The following DNAH2 variants were observed in gnomAD, a reference collection of about 807,000 sequenced individuals.
DNAH2 encodes axonemal beta dynein heavy chain 2.
A neutral mutation model predicts 523.5 loss-of-function variants in DNAH2; 323 were observed. The ratio of observed to expected loss-of-function variants is 0.62; its 90% CI spans 0.56 to 0.68. The LOEUF (loss-of-function observed/expected upper bound fraction) is 0.68. Ranked by LOEUF, DNAH2 falls within the 30% of genes least tolerant of loss-of-function variation. The pLI, the probability that DNAH2 is intolerant of heterozygous loss-of-function variation, is 0.00. For missense variants in DNAH2, 4,907 were observed against 5,701.5 expected (o/e 0.86, Z 4.49); for synonymous variants, 2,093 against 2,177.4 (o/e 0.96, Z 1.08).
At position 7,757,187 on chromosome 17, in the gene DNAH2, C is replaced by G. The variant is rs1218124877; in HGVS notation, c.2001C>G (p.Asp667Glu). 6.2e-7 allele frequency: 1 copy of G among 1,614,186 alleles called. No individual in the cohort carries two copies. Among genetic ancestry groups the G allele is most frequent in the Non-Finnish European group, 8.5e-7 (1 of 1,180,032 alleles). ...TGAACGTAGCTGAGCGAGCCGAGGA[C>G]CTGCGCATTCTGCGTGAAAATCTGC... Reference protein sequence around the residue: ...YVVNVAERAEDLRILRENLLL... With the variant: ...YVVNVAERAEELRILRENLLL... Residue 667 changes from aspartate (D) to glutamate (E), a missense_variant, in exon 13 of 86, where the codon GAC (aspartate) becomes GAG (glutamate). By Grantham distance (45) the Asp-to-Glu change is conservative. Coordinates refer to ENST00000572933, the MANE Select transcript of DNAH2 (RefSeq NM_020877.5).
At chr17:7,805,112 C>T (rs199669681) in intron 60 of DNAH2, 38 bp downstream of exon 60, 44 of 1,603,032 alleles carry the variant, frequency 2.7e-5, no homozygotes, top group South Asian at 2.4e-4. Flanking sequence ...GCCAGGAACG[C>T]GAGGCCCCGG....
chr17:7,738,969 T>C (rs756326169), intron 8 of DNAH2: 4 of 702,810 alleles, frequency 5.7e-6, no homozygotes, highest in Non-Finnish European at 1.0e-5. Context: ...CCAGCATCTT[T>C]GCTCAGGTTG....
rs763487594 is a variant in DNAH2 at position 7,797,578 on chromosome 17, C to T, written c.8080+48C>T. The T allele has an allele frequency of 5.5e-5, 88 of 1,613,862 alleles. 1 individual carries two copies. In the South Asian group the frequency reaches 6.8e-4, roughly 12 times the overall value. On this transcript the variant is annotated intron_variant, in intron 52 of 85. Coordinates refer to ENST00000572933, the MANE Select transcript of DNAH2 (RefSeq NM_020877.5). ...CTTGGGCTTGACACTCTTAGAACAT[C>T]GGGGCTAGAAGGAGTCAGGGCATGG...
intron 24 of DNAH2, 37 bp downstream of exon 24, chr17:7,768,304 C>T (rs2076227305): frequency 6.2e-7 from 1 of 1,608,954 alleles, no homozygotes; most frequent in Admixed American, 1.7e-5. Flanking sequence ...GTCCACTCTG[C>T]CCCGCTGGCC....
chr17:7,777,587 G>A lies in DNAH2; in HGVS notation c.5200G>A (p.Val1734Ile), dbSNP rs1284135722. ...GCTTTACAAGAGTGGCCTCATGGAT[G>A]TCAATTCCTTTGACTGGCTCAGCCA... ...EKLYKSGLMDVNSFDWLSQLR... is the reference protein window; with the variant it reads ...EKLYKSGLMDINSFDWLSQLR... The change falls in exon 33 of 86, where the codon GTC becomes ATC. Residue 1734 changes from valine (V) to isoleucine (I), a missense_variant. This residue lies in a region of DNAH2 where 2,806 missense variants were observed against 3,190.8 expected (regional missense o/e 0.88). Transcript: ENST00000572933. 6.2e-7 allele frequency: 1 copy of A among 1,614,194 alleles called. No individual in the cohort carries two copies. Among genetic ancestry groups the A allele is most frequent in the Non-Finnish European group, 8.5e-7 (1 of 1,180,032 alleles).
Position 7,832,981 on chromosome 17 carries a change from T to A in DNAH2, c.12978+53T>A. The A allele has an allele frequency of 6.2e-7, 1 of 1,613,800 alleles. No homozygotes were observed. Among genetic ancestry groups the A allele is most frequent in the Non-Finnish European group, 8.5e-7 (1 of 1,179,896 alleles). ...GAGCAAAAGAGGGTACTGGAAATAATTGGACGAAAAGGGAGGAGAGAGGGA... is the reference window on the plus strand; with the variant it reads ...GAGCAAAAGAGGGTACTGGAAATAAATGGACGAAAAGGGAGGAGAGAGGGA... On this transcript the variant is annotated intron_variant, in intron 84 of 85. Coordinates refer to ENST00000572933, the MANE Select transcript of DNAH2 (RefSeq NM_020877.5). This position sits in a 1 kb window ranked among gnomAD's most constrained non-coding sequence, Gnocchi z 4.3.
Position 7,759,089 on chromosome 17 carries a change from A to C in DNAH2, c.2413A>C (p.Asn805His). Residue 805 changes from asparagine to histidine, a missense_variant, in exon 15 of 86, where the codon AAC becomes CAC. Physicochemically the swap from Asn to His is moderately conservative, Grantham distance 68. Coordinates refer to ENST00000572933, the MANE Select transcript of DNAH2 (RefSeq NM_020877.5). Reference sequence around the variant, plus strand: ...CCAGGATGTGGTGACCATCATGACCAACTCCTATGAGGTCTTCAAGAATGA... The same window carrying C: ...CCAGGATGTGGTGACCATCATGACCCACTCCTATGAGGTCTTCAAGAATGA... Reference protein sequence around the residue: ...LHQDVVTIMTNSYEVFKNDGP... With the variant: ...LHQDVVTIMTHSYEVFKNDGP... The C allele has an allele frequency of 6.2e-7, 1 of 1,614,164 alleles. No individual in the cohort carries two copies. The highest frequency in any genetic ancestry group is 1.1e-5 in the South Asian group (1 of 91,082).
Position 7,798,752 on chromosome 17 carries a change from T to TCCACAC in DNAH2, c.8559+35_8559+36insCACACC, listed in dbSNP as rs755279666. On this transcript the variant is annotated intron_variant, in intron 55 of 85. Transcript: ENST00000572933. This position sits in a 1 kb window ranked among gnomAD's most constrained non-coding sequence, Gnocchi z 5.5. Reference sequence around the variant, plus strand: ...CCTTCCACACCCTTGACCAGTCAGTTCTTTGGCCTGCCTAGCTGACCCCAG... The same window carrying TCCACAC: ...CCTTCCACACCCTTGACCAGTCAGTTCCACACCTTTGGCCTGCCTAGCTGACCCCAG... 1 of 1,595,450 alleles carries TCCACAC rather than the reference T, an allele frequency of 6.3e-7. No homozygotes were observed. The highest frequency in any genetic ancestry group is 2.2e-5 in the East Asian group (1 of 44,602).
chr17:7,756,980 T>C, intron 12 of DNAH2, 111 bp from the exon 13 acceptor site: 1 of 1,499,144 alleles, frequency 6.7e-7, no homozygotes, highest in Non-Finnish European at 9.1e-7. Flanking sequence ...CTCTGCTTCA[T>C]TTCTCATCTC....
chr17:7,776,831 T>C lies in DNAH2; in HGVS notation c.5000T>C (p.Leu1667Pro). The C allele has an allele frequency of 6.2e-7, 1 of 1,613,170 alleles. No homozygotes were observed. ...TGGACGGCTGATGTCACCAAGTGCCTGCTGACAGCGAAGGAGCGGGCAGAC... is the reference window on the plus strand; with the variant it reads ...TGGACGGCTGATGTCACCAAGTGCCCGCTGACAGCGAAGGAGCGGGCAGAC... ...IQWTADVTKC[L>P]LTAKERADKK... is the part of the protein sequence containing the mutation. The change falls in exon 32 of 86, where the codon CTG becomes CCG. Residue 1667 changes from leucine to proline, a missense_variant. Around this residue, in one of 3 missense-constraint regions of DNAH2, gnomAD observed 2,806 missense variants for 3,190.8 expected, o/e 0.88. Transcript: ENST00000572933.
intron 72 of DNAH2, among the ~76,000 whole-genome samples, chr17:7,819,754 A>C (rs2077801336): frequency 1.3e-5 from 2 of 152,268 alleles, no homozygotes; most frequent in Middle Eastern, 3.4e-3. Context: ...CTGCAACTCC[A>C]ACAAGCTCCC....
At chr17:7,740,332 C>A in intron 9 of DNAH2, 88 bp from the exon 10 acceptor site, 1 of 1,576,548 alleles carries the variant, frequency 6.3e-7, no homozygotes, top group Non-Finnish European at 8.6e-7. Flanking sequence ...GCCCTCTGTC[C>A]TCAGCAATGC....
In DNAH2 at chr17:7,798,934, TGTA is replaced by T. The variant is rs2077144687; in HGVS notation, c.8560-166_8560-164del. ...AGAGCCAGGCACAGTGGCTTGAGCT[TGTA>T]GTTCCAGCTACTCGGGGGTGGGGGG... is the stretch of plus-strand genomic sequence containing the variant. On this transcript the variant is annotated intron_variant, in intron 55 of 85. Transcript: ENST00000572933. The surrounding 1 kb of genome is among the most constrained non-coding windows in gnomAD (Gnocchi z 5.5). Among the ~76,000 whole-genome samples, 1 of 152,194 alleles carries T rather than the reference TGTA, an allele frequency of 6.6e-6. No homozygotes were observed. Among genetic ancestry groups the T allele is most frequent in the Non-Finnish European group, 1.5e-5 (1 of 68,024 alleles).
intron 58 of DNAH2, among the ~76,000 whole-genome samples, chr17:7,803,916 G>A (rs1444189100): frequency 2.0e-5 from 3 of 152,348 alleles, no homozygotes; most frequent in East Asian, 3.9e-4. Context: ...ACGGCTGCCT[G>A]CCCTGGGCCA....
chr17:7,774,970 C>A lies in DNAH2; in HGVS notation c.4713C>A (p.Ile1571=), dbSNP rs371510770. Residue 1571 remains isoleucine, a synonymous_variant, in exon 29 of 86, where the codon ATC becomes ATA. Coordinates refer to ENST00000572933, the MANE Select transcript of DNAH2 (RefSeq NM_020877.5). ...TTGACAACATCAAGTTGCTGAGAAT[C>A]CAGAAGGTCAGTAGAAGTGGCCACA... ...KCFDNIKLLR[I]QKVGGPSSKW... 6 of 1,613,518 alleles carry A rather than the reference C, an allele frequency of 3.7e-6. No individual in the cohort carries two copies. Among genetic ancestry groups the A allele is most frequent in the African/African-American group, 1.3e-5 (1 of 74,898 alleles).
chr17:7,750,488 G>A (rs1045974728), intron 12 of DNAH2, among the ~76,000 whole-genome samples: 4 of 152,058 alleles, frequency 2.6e-5, no homozygotes, highest in Non-Finnish European at 5.9e-5. Context: ...TCCATTAGTA[G>A]CTTCCTAAGA....
chr17:7,806,938 A>C (rs2077382700), intron 61 of DNAH2, among the ~76,000 whole-genome samples: 1 of 152,088 alleles, frequency 6.6e-6, no homozygotes, highest in African/African-American at 2.4e-5. Flanking sequence ...ATGAGAGAGG[A>C]GCTGGGAAGA....
chr17:7,752,062 C>G (rs952128635), intron 12 of DNAH2, among the ~76,000 whole-genome samples: 8 of 151,064 alleles, frequency 5.3e-5, no homozygotes, highest in Non-Finnish European at 7.4e-5. Flanking sequence ...CCTCAGCCCC[C>G]CAAGTAGCTG....
chr17:7,770,092 C>T (rs946080007), intron 24 of DNAH2, among the ~76,000 whole-genome samples, 160 bp from the exon 25 acceptor site: 3 of 152,196 alleles, frequency 2.0e-5, no homozygotes, highest in East Asian at 1.9e-4. Flanking sequence ...CCTCAATCTT[C>T]GTATTCCCCT....
Sources: gnomAD v4.1 joint callset for allele counts (sites outside exome capture counted in the v4.1 genomes callset) on GRCh38, gnomAD v4.1.1 for gene constraint, gnomAD v4.1.1 regional missense constraint, Gnocchi (gnomAD v3.1) non-coding constraint, MANE v1.5 for transcripts, NCBI Gene and HGNC (gene_info 2026-07-23, HGNC 2026-07-21) for gene names.